The following CEP63 variants were observed in gnomAD, a reference collection of about 807,000 sequenced individuals.
CEP63 encodes centrosomal protein of 63 kDa.
A neutral mutation model predicts 89.1 loss-of-function variants in CEP63; 84 were observed. That is an observed-to-expected ratio of 0.94 (90% CI 0.79 to 1.13). The LOEUF is 1.13. CEP63 is among the 50% of genes most tolerant of loss of function. CEP63 has a pLI of 0.00. For synonymous variants in CEP63, 267 were observed against 272.5 expected, an observed-to-expected ratio of 0.98 and a Z score of 0.20; for missense variants, 838 against 813.3, an observed-to-expected ratio of 1.03 and a Z score of -0.37.
At chr3:134,699,972 T>C in the CEP63 span, among the ~76,000 whole-genome samples, 63 of 152,246 alleles carry the variant, frequency 4.1e-4, no homozygotes, top group African/African-American at 1.5e-3. Context: ...GGTGAGGCCA[T>C]GAGATGCCAA....
chr3:134,782,218 A>G, the CEP63 span, among the ~76,000 whole-genome samples: 1 of 152,230 alleles, frequency 6.6e-6, no homozygotes, highest in Non-Finnish European at 1.5e-5. Context: ...ATCCTGGGAC[A>G]AGGATTATGT....
Position 134,571,635 on chromosome 3 carries a change from C to T in CEP63, c.1330-3158C>T, listed in dbSNP as rs984300681. Among the ~76,000 whole-genome samples the T allele has an allele frequency of 8.9e-4, 135 of 152,172 alleles. 1 individual carries two copies. Among genetic ancestry groups the T allele is most frequent in the Non-Finnish European group, 1.5e-3 (99 of 68,002 alleles). On this transcript the variant is annotated intron_variant, in intron 11 of 11. Transcript: ENST00000354446. Reference sequence around the variant, plus strand: ...GGCGGAGCTTGCAGTGAGCTGAGATCGTGCCACTGCACTCCAGCCTGGGCA... The same window carrying T: ...GGCGGAGCTTGCAGTGAGCTGAGATTGTGCCACTGCACTCCAGCCTGGGCA...
At chr3:134,615,718 T>C in the CEP63 span, among the ~76,000 whole-genome samples, 9 of 152,202 alleles carry the variant, frequency 5.9e-5, no homozygotes, top group South Asian at 2.1e-4. Context: ...AGCATCAGAT[T>C]TGGTGATAAT....
chr3:134,772,851 A>G, the CEP63 span, among the ~76,000 whole-genome samples: 2 of 152,212 alleles, frequency 1.3e-5, no homozygotes, highest in East Asian at 1.9e-4. Context: ...CAGGAGCTCA[A>G]CTTGACTGTG....
At chr3:134,644,486 G>A in the CEP63 span, among the ~76,000 whole-genome samples, 2 of 152,302 alleles carry the variant, frequency 1.3e-5, no homozygotes, top group East Asian at 3.9e-4. Context: ...GAGGGGTGGG[G>A]GGAAGGCTGG....
upstream of CEP63, chr3:134,485,817 A>T: frequency 4.6e-6 from 1 of 217,960 alleles, no homozygotes; most frequent in Non-Finnish European, 7.8e-6. Flanking sequence ...TCCCGACACG[A>T]GTGCAGTAAA....
the CEP63 span, among the ~76,000 whole-genome samples, chr3:134,661,048 C>G: frequency 1.3e-5 from 2 of 152,152 alleles, no homozygotes; most frequent in African/African-American, 4.8e-5. Context: ...CTCACCACCC[C>G]CATCTTTATG....
chr3:134,696,153 A>G, the CEP63 span, among the ~76,000 whole-genome samples: 2 of 152,318 alleles, frequency 1.3e-5, no homozygotes, highest in Non-Finnish European at 2.9e-5. Context: ...TAATATATGA[A>G]AATGGCCTGG....
intron 3 of CEP63, among the ~76,000 whole-genome samples, chr3:134,516,036 AAAG>A (rs1003900299): frequency 6.6e-6 from 1 of 152,014 alleles, no homozygotes; most frequent in African/African-American, 2.4e-5. Context: ...GAGAAAGAAA[AAAG>A]GGGGCCCAGG....
intron 2 of CEP63, among the ~76,000 whole-genome samples, chr3:134,505,358 A>G (rs907649202): frequency 5.3e-5 from 8 of 151,990 alleles, no homozygotes; most frequent in Non-Finnish European, 7.4e-5. Flanking sequence ...TGTAGTTTCT[A>G]TGATTTTTCC....
intron 14 of CEP63, among the ~76,000 whole-genome samples, chr3:134,560,812 T>G (rs945203464): frequency 2.6e-5 from 4 of 152,214 alleles, no homozygotes; most frequent in Non-Finnish European, 5.9e-5. Context: ...AATTCAGTGT[T>G]TTGGGTGACT....
rs115787230 is a variant in CEP63, at chr3:134,547,485, A to G, written c.1067+13A>G. ...GTCTTGAAGGCAGGTACATAATTAT[A>G]CACACATTTCAAAAATTTCAAGTTG... On this transcript the variant is annotated intron_variant, in intron 9 of 14. Transcript: ENST00000675561. 1,152 of 1,611,452 alleles carry G rather than the reference A, an allele frequency of 7.1e-4. 12 individuals are homozygous for G. The African/African-American group carries it at 0.013, about 19-fold the overall frequency.
At chr3:134,577,394 G>C (rs1958241073), downstream of CEP63, among the ~76,000 whole-genome samples, 2 of 145,642 alleles carry the variant, frequency 1.4e-5, no homozygotes, top group South Asian at 4.4e-4. Context: ...TGGAAAAAAA[G>C]CTTACCAAAA....
the CEP63 span, among the ~76,000 whole-genome samples, chr3:134,628,569 T>C: frequency 7.9e-5 from 12 of 152,332 alleles, no homozygotes; most frequent in South Asian, 2.5e-3. Flanking sequence ...CTCCATTTAT[T>C]TCTCACACCT....
chr3:134,726,505 C>G, the CEP63 span, among the ~76,000 whole-genome samples: 276 of 150,944 alleles, frequency 1.8e-3, 3 homozygotes, highest in African/African-American at 6.4e-3. Context: ...CACACACACA[C>G]AGAGCAAGAA....
the CEP63 span, among the ~76,000 whole-genome samples, chr3:134,630,941 A>G: frequency 1.3e-5 from 2 of 152,384 alleles, no homozygotes; most frequent in African/African-American, 4.8e-5. Context: ...AAGATTTTAG[A>G]CTGAAAAATA....
the CEP63 span, among the ~76,000 whole-genome samples, chr3:134,752,315 C>G: frequency 6.6e-6 from 1 of 152,288 alleles, no homozygotes; most frequent in East Asian, 1.9e-4. Flanking sequence ...AGAGGCCTTA[C>G]CAGGTGTGGC....
At chr3:134,637,412 A>G in the CEP63 span, among the ~76,000 whole-genome samples, 2 of 152,316 alleles carry the variant, frequency 1.3e-5, no homozygotes, top group South Asian at 2.1e-4. Flanking sequence ...ATGCCTTGTG[A>G]AAAATGAATT....
the CEP63 span, among the ~76,000 whole-genome samples, chr3:134,763,426 A>G: frequency 2.6e-5 from 4 of 152,198 alleles, no homozygotes; most frequent in Non-Finnish European, 4.4e-5. Context: ...TCTCTTATGA[A>G]ATAGGATTCA....
Sources: gnomAD v4.1 joint callset for allele counts (sites outside exome capture counted in the v4.1 genomes callset) on GRCh38, gnomAD v4.1.1 for gene constraint, MANE v1.5 for transcripts, NCBI Gene and HGNC (gene_info 2026-07-23, HGNC 2026-07-21) for gene names.